ZSCAN1: variants seen among roughly 807,000 people sequenced by gnomAD.
ZSCAN1 encodes zinc finger and SCAN domain containing 1, also known as zinc finger and SCAN domain-containing protein 1.
Under a neutral mutation model 23.8 loss-of-function variants are expected in ZSCAN1, and 23 were observed. The ratio of observed to expected loss-of-function variants is 0.97; its 90% CI spans 0.70 to 1.37. The LOEUF (loss-of-function observed/expected upper bound fraction) is 1.37, where lower values mean the gene tolerates loss of function less well. Among genes scored for constraint, ZSCAN1 ranks in the 40% most tolerant of loss-of-function variants. ZSCAN1 has a pLI of 0.00. For missense variants in ZSCAN1, 575 were observed against 554.0 expected (o/e 1.04, Z -0.38); for synonymous variants, 236 against 232.3 (o/e 1.02, Z -0.15).
downstream of ZSCAN1, among the ~76,000 whole-genome samples, chr19:58,056,128 C>G (rs34667157): frequency 6.6e-6 from 1 of 152,212 alleles, no homozygotes; most frequent in Non-Finnish European, 1.5e-5. Context: ...GCAGCTGCCT[C>G]TAAGCAAACT....
chr19:58,048,325 T>C (rs2073838731), intron 4 of ZSCAN1, among the ~76,000 whole-genome samples: 1 of 152,256 alleles, frequency 6.6e-6, no homozygotes, highest in African/African-American at 2.4e-5. Context: ...TTAATTAGTA[T>C]ACTAACTGCC....
At chr19:58,036,847 G>A (rs141503262) in intron 2 of ZSCAN1, among the ~76,000 whole-genome samples, 2,072 of 152,142 alleles carry the variant, frequency 0.014, 17 homozygotes, top group Middle Eastern at 0.054. Context: ...CCACCACGCC[G>A]GCTAATTTTT....
chr19:58,055,927 AAAC>A (rs1447878695), downstream of ZSCAN1, among the ~76,000 whole-genome samples: 2 of 152,144 alleles, frequency 1.3e-5, no homozygotes, highest in East Asian at 1.9e-4. Context: ...CAAAAACAAA[AAAC>A]AACAACAAAG....
intron 4 of ZSCAN1, among the ~76,000 whole-genome samples, chr19:58,048,280 A>G (rs1312803639): frequency 6.6e-6 from 1 of 152,252 alleles, no homozygotes; most frequent in East Asian, 1.9e-4. Flanking sequence ...GACATTTTAT[A>G]GCTTTAACCC....
At chr19:58,039,422 T>G (rs911615925) in intron 3 of ZSCAN1, among the ~76,000 whole-genome samples, 1 of 152,170 alleles carries the variant, frequency 6.6e-6, no homozygotes, top group African/African-American at 2.4e-5. Flanking sequence ...ACATTCCATA[T>G]TTTGAGCCTA....
Position 58,045,249 on chromosome 19 carries a change from G to A in ZSCAN1, c.465+4705G>A, listed in dbSNP as rs2073817637. 1 of 799,760 alleles carries A rather than the reference G, an allele frequency of 1.3e-6. No homozygotes were observed. The highest frequency in any genetic ancestry group is 2.3e-6 in the Non-Finnish European group (1 of 436,848). 49.5% of individuals were successfully genotyped at this position (799,760 alleles called of 1,614,324 possible). On this transcript the variant is annotated intron_variant, in intron 4 of 5. Coordinates refer to ENST00000282326, the MANE Select transcript of ZSCAN1 (RefSeq NM_182572.4). This position sits in a 1 kb window ranked among gnomAD's most constrained non-coding sequence, Gnocchi z 4.3. ...CCTGTTCGTGGTGGTGCCGTTCGTG[G>A]AGTTTCTGCTGCCTGTTGCTGTGAA...
Position 58,053,944 on chromosome 19 carries a change from C to T in ZSCAN1, c.1120C>T (p.Arg374Cys), listed in dbSNP as rs762191438. 9.3e-6 allele frequency: 15 copies of T among 1,611,786 alleles called. No individual in the cohort carries two copies. Among genetic ancestry groups the T allele is most frequent in the African/African-American group, 4.0e-5 (3 of 74,846 alleles). ...RDGAQGPVAP[R>C]SPKRPFQCSV... The stretch of plus-strand genomic sequence containing the variant: ...TGGAGCCCAGGGCCCAGTGGCCCCT[C>T]GCAGCCCCAAAAGACCCTTCCAGTG... The change falls in exon 6 of 6, where the codon CGC becomes TGC. Residue 374 changes from arginine to cysteine, a missense_variant. By Grantham distance (180) the Arg-to-Cys change is radical. Coordinates refer to ENST00000282326, the MANE Select transcript of ZSCAN1 (RefSeq NM_182572.4). This position sits in a 1 kb window ranked among gnomAD's most constrained non-coding sequence, Gnocchi z 5.8.
intron 4 of ZSCAN1, 56 bp from the exon 5 acceptor site, chr19:58,052,434 G>T (rs1288285839): frequency 6.2e-7 from 1 of 1,611,766 alleles, no homozygotes; most frequent in African/African-American, 1.3e-5. Context: ...CGGTGGTGGT[G>T]GGGAGGATGG....
chr19:58,035,965 T>G lies in ZSCAN1; in HGVS notation c.-151-5T>G, dbSNP rs1032053203. ...GTTTTGTTTTGTTTTTCCATGTTGA[T>G]GAAGGTCACATGGGAGCCCGACACC... is the stretch of plus-strand genomic sequence containing the variant. On this transcript the variant is annotated splice_region_variant and splice_polypyrimidine_tract_variant and intron_variant, in intron 1 of 5. Coordinates refer to ENST00000282326, the MANE Select transcript of ZSCAN1 (RefSeq NM_182572.4). The G allele has an allele frequency of 1.5e-4, 23 of 152,188 alleles. No homozygotes were observed. The highest frequency in any genetic ancestry group is 2.9e-5 in the Non-Finnish European group (2 of 68,042). 9.4% of individuals were successfully genotyped at this position (152,188 alleles called of 1,614,324 possible).
In ZSCAN1 at chr19:58,037,935, C is replaced by CA. The variant is rs2073750839; in HGVS notation, c.100dup (p.Thr34AsnfsTer107). On this transcript the variant is annotated frameshift_variant, in exon 3 of 6. Coordinates refer to ENST00000282326, the MANE Select transcript of ZSCAN1 (RefSeq NM_182572.4). LOFTEE classifies it high-confidence loss of function. The stretch of plus-strand genomic sequence containing the variant: ...ACCCTGGGCCAGCAAGCCCCAGGGA[C>CA]ACCGAAGCCCAGCGTCTGCGCTTCC... 2 of 1,602,754 alleles carry CA rather than the reference C, an allele frequency of 1.2e-6. No homozygotes were observed. The highest frequency in any genetic ancestry group is 1.1e-5 in the South Asian group (1 of 90,996).
intron 3 of ZSCAN1, chr19:58,038,504 C>T: frequency 1.8e-6 from 1 of 563,100 alleles, no homozygotes; most frequent in Non-Finnish European, 3.1e-6. Flanking sequence ...CTGGGAAGGA[C>T]GCTGCCTCGC....
At chr19:58,052,160 C>T (rs564932926) in intron 4 of ZSCAN1, among the ~76,000 whole-genome samples, 19 of 152,368 alleles carry the variant, frequency 1.2e-4, no homozygotes, top group Admixed American at 3.9e-4. Context: ...AAATGATCAA[C>T]GATCTTTGAA....
chr19:58,048,944 T>C (rs891413371), intron 4 of ZSCAN1: 1 of 152,240 alleles, frequency 6.6e-6, no homozygotes, highest in African/African-American at 2.4e-5. Context: ...TTAGCTATGT[T>C]GCCTACACTG....
At position 58,045,988 on chromosome 19, in the gene ZSCAN1, A is replaced by G. The variant is rs1449118894; in HGVS notation, c.465+5444A>G. 6.9e-6 allele frequency: 5 copies of G among 720,724 alleles called. No individual in the cohort carries two copies. The highest frequency in any genetic ancestry group is 2.4e-5 in the East Asian group (1 of 40,898). 44.6% of individuals were successfully genotyped at this position (720,724 alleles called of 1,614,324 possible). The stretch of plus-strand genomic sequence containing the variant: ...GGCCACACTGCAGGAGAAGGCGACC[A>G]TGCAGTAGGAGCACCGCGAGAAGGA... On this transcript the variant is annotated intron_variant, in intron 4 of 5. Transcript: ENST00000282326. The surrounding 1 kb of genome is among the most constrained non-coding windows in gnomAD (Gnocchi z 4.3).
In ZSCAN1 at chr19:58,053,941, C is replaced by G. The variant is rs1396591747; in HGVS notation, c.1117C>G (p.Pro373Ala). Reference protein sequence around the residue: ...PRDGAQGPVAPRSPKRPFQCS... With the variant: ...PRDGAQGPVAARSPKRPFQCS... Reference sequence around the variant, plus strand: ...GGATGGAGCCCAGGGCCCAGTGGCCCCTCGCAGCCCCAAAAGACCCTTCCA... The same window carrying G: ...GGATGGAGCCCAGGGCCCAGTGGCCGCTCGCAGCCCCAAAAGACCCTTCCA... The change falls in exon 6 of 6, where the codon CCT (proline) becomes GCT (alanine). Residue 373 changes from proline (P) to alanine (A), a missense_variant. Pro to Ala is a conservative substitution (Grantham distance 27). Transcript: ENST00000282326. The surrounding 1 kb of genome is among the most constrained non-coding windows in gnomAD (Gnocchi z 5.8). 1.2e-6 allele frequency: 2 copies of G among 1,611,926 alleles called. No individual in the cohort carries two copies. Among genetic ancestry groups the G allele is most frequent in the African/African-American group, 2.7e-5 (2 of 74,872 alleles).
rs1568601327 is a variant in ZSCAN1, at chr19:58,037,997, T to C, written c.161T>C (p.Leu54Pro). ...TACCACGTGGCGAGCGGGCCGCACCTCGCGCTGGGCCAGCTCTGGACGCTG... is the reference window on the plus strand; with the variant it reads ...TACCACGTGGCGAGCGGGCCGCACCCCGCGCTGGGCCAGCTCTGGACGCTG... ...FQYHVASGPH[L>P]ALGQLWTLCR... is the part of the protein sequence containing the mutation. The change falls in exon 3 of 6, where the codon CTC becomes CCC. Residue 54 changes from leucine (L) to proline (P), a missense_variant. Transcript: ENST00000282326. The C allele has an allele frequency of 1.9e-6, 3 of 1,609,094 alleles. No individual in the cohort carries two copies. Among genetic ancestry groups the C allele is most frequent in the Non-Finnish European group, 2.5e-6 (3 of 1,179,362 alleles).
At chr19:58,050,343 T>C (rs1173743238) in intron 4 of ZSCAN1, among the ~76,000 whole-genome samples, 1 of 151,256 alleles carries the variant, frequency 6.6e-6, no homozygotes, top group Non-Finnish European at 1.5e-5. Context: ...GGCTGAGGCA[T>C]AAGAATCGCT....
At chr19:58,052,198 C>G (rs2073861698) in intron 4 of ZSCAN1, among the ~76,000 whole-genome samples, 1 of 152,236 alleles carries the variant, frequency 6.6e-6, no homozygotes, top group African/African-American at 2.4e-5. Flanking sequence ...CCATTTTGTA[C>G]AGGGGCCCCT....
intron 1 of ZSCAN1, among the ~76,000 whole-genome samples, chr19:58,035,151 C>T (rs1170443003): frequency 6.6e-6 from 1 of 152,140 alleles, no homozygotes; most frequent in Non-Finnish European, 1.5e-5. Context: ...CCAAAGTAGA[C>T]TTCTAGGACC....
Sources: allele counts gnomAD v4.1 joint callset (sites outside exome capture counted in the v4.1 genomes callset), GRCh38; gene constraint gnomAD v4.1.1; non-coding constraint Gnocchi (gnomAD v3.1); transcripts MANE v1.5; gene names NCBI Gene and HGNC (gene_info 2026-07-23, HGNC 2026-07-21).